RALGPS1: variants seen among roughly 807,000 people sequenced by gnomAD.
RALGPS1 encodes Ral GEF with PH domain and SH3 binding motif 1.
Under a neutral mutation model 78.8 loss-of-function variants are expected in RALGPS1, and 19 were observed. That is an observed-to-expected ratio of 0.24 (90% confidence interval 0.17 to 0.35). The LOEUF (loss-of-function observed/expected upper bound fraction) is 0.35, where lower values mean the gene tolerates loss of function less well. Among genes scored for constraint, RALGPS1 ranks in the 10% least tolerant of loss-of-function variants. RALGPS1 has a pLI of 1.00. For missense variants in RALGPS1, 454 were observed against 688.3 expected, an observed-to-expected ratio of 0.66 and a Z score of 3.81; for synonymous variants, 228 against 256.3, an observed-to-expected ratio of 0.89 and a Z score of 1.06.
chr9:127,186,774 C>A (rs933911891), intron 11 of RALGPS1, among the ~76,000 whole-genome samples: 20 of 152,214 alleles, frequency 1.3e-4, no homozygotes, highest in African/African-American at 4.8e-4. Context: ...TGCTGGGCCC[C>A]CCACCCTTCC....
intron 14 of RALGPS1, among the ~76,000 whole-genome samples, chr9:127,209,608 A>T (rs1044946717): frequency 1.3e-5 from 2 of 152,140 alleles, no homozygotes; most frequent in Non-Finnish European, 1.5e-5. Flanking sequence ...GGAGGAGCCG[A>T]TGGGCAGGAG....
chr9:127,128,717 C>T (rs140848333), intron 8 of RALGPS1, among the ~76,000 whole-genome samples: 290 of 152,298 alleles, frequency 1.9e-3, no homozygotes, highest in African/African-American at 6.5e-3. Flanking sequence ...TGTGACTCTC[C>T]GCACCATGCC....
intron 1 of RALGPS1, among the ~76,000 whole-genome samples, chr9:126,959,477 C>G (rs1469370638): frequency 6.6e-6 from 1 of 152,052 alleles, no homozygotes; most frequent in Non-Finnish European, 1.5e-5. Context: ...TCTCTCAGGA[C>G]AAAAATGACT....
At chr9:127,064,729 A>T (rs1372774412) in intron 7 of RALGPS1, among the ~76,000 whole-genome samples, 1 of 152,250 alleles carries the variant, frequency 6.6e-6, no homozygotes, top group African/African-American at 2.4e-5. Context: ...ATTCATCATT[A>T]TAGTGAAATC....
intron 8 of RALGPS1, among the ~76,000 whole-genome samples, chr9:127,151,719 T>C (rs1056648367): frequency 6.6e-6 from 1 of 152,228 alleles, no homozygotes. Flanking sequence ...AGGAATAGAT[T>C]TCTTTCCTGG....
chr9:126,980,610 G>A (rs2041154925), intron 4 of RALGPS1, among the ~76,000 whole-genome samples: 1 of 152,194 alleles, frequency 6.6e-6, no homozygotes, highest in African/African-American at 2.4e-5. Context: ...CTTATGTAGT[G>A]ATTGTAAGAC....
chr9:127,133,264 C>G (rs1217422340), intron 8 of RALGPS1, among the ~76,000 whole-genome samples: 4 of 152,222 alleles, frequency 2.6e-5, no homozygotes, highest in Admixed American at 6.5e-5. Context: ...ACCCTCAGCC[C>G]CAGTCCCCAA....
chr9:127,036,446 G>C (rs1220204244), intron 5 of RALGPS1, among the ~76,000 whole-genome samples: 1 of 152,236 alleles, frequency 6.6e-6, no homozygotes, highest in Non-Finnish European at 1.5e-5. Context: ...GAGAATAATA[G>C]TAGTGCTCTC....
Position 127,218,999 on chromosome 9 carries a change from G to C in RALGPS1, c.*230G>C. ...CACTCATTCTGCAGCACCGCCTCTT[G>C]GGGCAGTGGTCAGACCCCACACGCC... On this transcript the variant is annotated 3_prime_UTR_variant, in exon 19 of 19. Coordinates refer to ENST00000259351, the MANE Select transcript of RALGPS1 (RefSeq NM_014636.3). The surrounding 1 kb of genome is among the most constrained non-coding windows in gnomAD (Gnocchi z 4.4). 1.7e-6 allele frequency: 1 copy of C among 582,416 alleles called. No homozygotes were observed. The highest frequency in any genetic ancestry group is 3.1e-6 in the Non-Finnish European group (1 of 324,752). The allele number at this position is 582,416 out of a possible 1,614,324, so 36.1% of individuals were successfully genotyped here.
intron 11 of RALGPS1, chr9:127,178,624 A>T (rs1444649280): frequency 3.3e-5 from 13 of 394,106 alleles, no homozygotes; most frequent in Non-Finnish European, 4.5e-5. Context: ...CAATCAGGTC[A>T]GGCCGTCTAA....
intron 4 of RALGPS1, among the ~76,000 whole-genome samples, chr9:126,989,304 C>T (rs955317692): frequency 9.2e-5 from 14 of 151,878 alleles, no homozygotes; most frequent in African/African-American, 3.4e-4. Flanking sequence ...CATGGGGGCA[C>T]CCAGAAGTGA....
chr9:127,076,001 A>G (rs1768376), intron 8 of RALGPS1, among the ~76,000 whole-genome samples: 3,612 of 152,340 alleles, frequency 0.024, 47 homozygotes, highest in Middle Eastern at 0.048. Context: ...TCCTGATGAA[A>G]CATAATTTTA....
chr9:127,145,249 C>T (rs1774504077), intron 8 of RALGPS1, among the ~76,000 whole-genome samples: 1 of 152,160 alleles, frequency 6.6e-6, no homozygotes, highest in Non-Finnish European at 1.5e-5. Flanking sequence ...TCGGTATTAT[C>T]TCACTGTGGC....
At chr9:126,918,844 G>C (rs144709204) in intron 1 of RALGPS1, among the ~76,000 whole-genome samples, 1 of 151,834 alleles carries the variant, frequency 6.6e-6, no homozygotes, top group Non-Finnish European at 1.5e-5. Flanking sequence ...GGCTAATTTT[G>C]TATTTTTAGT....
intron 8 of RALGPS1, among the ~76,000 whole-genome samples, chr9:127,075,914 C>G (rs1053262927): frequency 6.6e-6 from 1 of 152,242 alleles, no homozygotes; most frequent in East Asian, 1.9e-4. Flanking sequence ...GCCTTTGTTA[C>G]TAACCACATG....
intron 8 of RALGPS1, among the ~76,000 whole-genome samples, chr9:127,082,847 C>T (rs2051310919): frequency 6.6e-6 from 1 of 152,162 alleles, no homozygotes; most frequent in African/African-American, 2.4e-5. Flanking sequence ...CATGAAAATA[C>T]AGCTAAGAAG....
chr9:126,948,720 G>C (rs936251264), intron 1 of RALGPS1, among the ~76,000 whole-genome samples: 5 of 151,906 alleles, frequency 3.3e-5, no homozygotes, highest in African/African-American at 7.3e-5. Flanking sequence ...TGTTTGTGCC[G>C]GCCCCCAATT....
At position 127,196,520 on chromosome 9, in the gene RALGPS1, C is replaced by T; in HGVS notation, c.1084C>T (p.Pro362Ser). Residue 362 changes from proline (P) to serine (S), a missense_variant, in exon 13 of 19, where the codon CCA becomes TCA. Coordinates refer to ENST00000259351, the MANE Select transcript of RALGPS1 (RefSeq NM_014636.3). ...SVVESKSATF[P>S]SEKARHLLDD... ...AGTTGAGAGTAAAAGTGCGACATTCCCATCGGAGAAAGCAAGGCACCTACT... is the reference window on the plus strand; with the variant it reads ...AGTTGAGAGTAAAAGTGCGACATTCTCATCGGAGAAAGCAAGGCACCTACT... 6.2e-7 allele frequency: 1 copy of T among 1,614,110 alleles called. No homozygotes were observed. The highest frequency in any genetic ancestry group is 8.5e-7 in the Non-Finnish European group (1 of 1,179,972).
intron 8 of RALGPS1, among the ~76,000 whole-genome samples, chr9:127,144,506 A>G (rs915320137): frequency 2.0e-5 from 3 of 152,264 alleles, no homozygotes; most frequent in Non-Finnish European, 4.4e-5. Flanking sequence ...CTCAGGGTAT[A>G]TACCCAAAAG....
Sources: allele counts gnomAD v4.1 joint callset (sites outside exome capture counted in the v4.1 genomes callset), GRCh38; gene constraint gnomAD v4.1.1; non-coding constraint Gnocchi (gnomAD v3.1); transcripts MANE v1.5; gene names NCBI Gene and HGNC (gene_info 2026-07-23, HGNC 2026-07-21).